The following RARG variants were observed in gnomAD, a reference collection of about 807,000 sequenced individuals.
The protein encoded by RARG is retinoic acid receptor gamma.
Under a neutral mutation model 43.7 loss-of-function variants are expected in RARG, and 17 were observed. That is an observed-to-expected ratio of 0.39 (90% CI 0.27 to 0.58). The LOEUF (loss-of-function observed/expected upper bound fraction) is 0.58, where lower values mean the gene tolerates loss of function less well. RARG is among the 20% of genes least tolerant of loss of function. The probability of loss-of-function intolerance (pLI) is 0.57; values close to 1 mark genes in which losing one functional copy is unlikely to be tolerated. For synonymous variants in RARG, 238 were observed against 236.4 expected, an observed-to-expected ratio of 1.01 and a Z score of -0.06; for missense variants, 346 against 598.7, an observed-to-expected ratio of 0.58 and a Z score of 4.40.
intron 1 of RARG, chr12:53,231,576 C>T (rs1209919092): frequency 6.6e-6 from 1 of 152,546 alleles, no homozygotes; most frequent in Non-Finnish European, 1.5e-5. Flanking sequence ...CTTGGACCAG[C>T]ATGGAACATC....
At chr12:53,224,393 ATG>A (rs1177013369) in intron 3 of RARG, among the ~76,000 whole-genome samples, 43 of 152,162 alleles carry the variant, frequency 2.8e-4, no homozygotes, top group Admixed American at 2.6e-3. Context: ...CTCTTAGTCT[ATG>A]TGTGAGAGAG....
chr12:53,223,467 CAGGAGAGGGGGGT>C (rs1351937350), intron 3 of RARG, among the ~76,000 whole-genome samples: 1 of 134,958 alleles, frequency 7.4e-6, no homozygotes, highest in African/African-American at 2.8e-5. Context: ...GGTAGGGGGC[CAGGAGAGGGGGGT>C]GCAGCCTGGG....
chr12:53,216,554 C>T (rs1290415235), intron 3 of RARG, among the ~76,000 whole-genome samples: 1 of 152,076 alleles, frequency 6.6e-6, no homozygotes, highest in East Asian at 1.9e-4. Flanking sequence ...ACCAGCAGAT[C>T]CAAGTGGCTG....
Position 53,227,824 on chromosome 12 carries a change from G to A in RARG, c.-142-137C>T, listed in dbSNP as rs1294883472. 5.1e-6 allele frequency: 3 copies of A among 586,352 alleles called. No individual in the cohort carries two copies. Among genetic ancestry groups the A allele is most frequent in the East Asian group, 4.3e-5 (1 of 23,508 alleles). 36.3% of individuals were successfully genotyped at this position (586,352 alleles called of 1,614,324 possible). On this transcript the variant is annotated intron_variant, in intron 2 of 9. Transcript: ENST00000425354. This position sits in a 1 kb window ranked among gnomAD's most constrained non-coding sequence, Gnocchi z 4.3. ...CCTGCCCTGGCTCAGGGCCCTTGCAGTGTGGTAGAGAGGGCACGGCAGGGG... is the reference window on the plus strand; with the variant it reads ...CCTGCCCTGGCTCAGGGCCCTTGCAATGTGGTAGAGAGGGCACGGCAGGGG...
At chr12:53,231,396 C>T (rs1943233828) in intron 1 of RARG, 161 bp from the exon 2 acceptor site, 1 of 152,284 alleles carries the variant, frequency 6.6e-6, no homozygotes, top group African/African-American at 2.4e-5. Flanking sequence ...CGCACCTGGG[C>T]TGGGAACGTG....
chr12:53,219,154 C>T (rs1942871426), intron 3 of RARG, among the ~76,000 whole-genome samples: 1 of 152,202 alleles, frequency 6.6e-6, no homozygotes, highest in Admixed American at 6.5e-5. Flanking sequence ...TTCAGGCCAC[C>T]CCCCACCACA....
At chr12:53,212,741 C>T (rs113275891) in intron 9 of RARG, among the ~76,000 whole-genome samples, 5,123 of 135,540 alleles carry the variant, frequency 0.038, 105 homozygotes, top group Middle Eastern at 0.063. Context: ...TATATATACA[C>T]ACACACACAC....
At position 53,213,802 on chromosome 12, in the gene RARG, C is replaced by A; in HGVS notation, c.814-102G>T. ...AGGTTAGGTCCCCAGTGAGTGCAAC[C>A]TGAAGCAGGCATGGAGAAGGCAGAG... On this transcript the variant is annotated intron_variant, in intron 7 of 9. Coordinates refer to ENST00000425354, the MANE Select transcript of RARG (RefSeq NM_000966.6). This position sits in a 1 kb window ranked among gnomAD's most constrained non-coding sequence, Gnocchi z 4.7. The A allele has an allele frequency of 7.8e-7, 1 of 1,280,798 alleles. No homozygotes were observed. The allele number at this position is 1,280,798 out of a possible 1,614,324, so 79.3% of individuals were successfully genotyped here.
intron 3 of RARG, among the ~76,000 whole-genome samples, chr12:53,222,190 G>C (rs1942985919): frequency 6.7e-6 from 1 of 150,214 alleles, no homozygotes; most frequent in Non-Finnish European, 1.5e-5. Flanking sequence ...ACCCATTTCT[G>C]AATCCAGTCA....
At position 53,215,445 on chromosome 12, in the gene RARG, G is replaced by C. The variant is rs1436449070; in HGVS notation, c.334-11C>G. The C allele has an allele frequency of 2.5e-6, 4 of 1,613,844 alleles. No homozygotes were observed. Among genetic ancestry groups the C allele is most frequent in the Admixed American group, 3.3e-5 (2 of 59,994 alleles). ...TCGGCGAAAGAAGCCCTGGAGTTGA[G>C]GGAAAGAGAGAGGGCCTCTGAAGCA... On this transcript the variant is annotated splice_polypyrimidine_tract_variant and intron_variant, in intron 4 of 9. Coordinates refer to ENST00000425354, the MANE Select transcript of RARG (RefSeq NM_000966.6). This position sits in a 1 kb window ranked among gnomAD's most constrained non-coding sequence, Gnocchi z 6.4.
chr12:53,219,771 A>G lies in RARG; in HGVS notation c.185-3977T>C, dbSNP rs565390860. 2.2e-4 allele frequency among the ~76,000 whole-genome samples: 34 copies of G among 152,304 alleles called. 1 individual carries two copies. The highest frequency in any genetic ancestry group is 4.1e-4 in the Non-Finnish European group (28 of 68,020). ...CCACCATAAAAACCACACACACTCC[A>G]AACACTACTGCACACACGCAAAGGA... On this transcript the variant is annotated intron_variant, in intron 3 of 9. Coordinates refer to ENST00000425354, the MANE Select transcript of RARG (RefSeq NM_000966.6).
rs957133273 is a variant in RARG at position 53,214,641 on chromosome 12, C to T, written c.476-35G>A. 4.5e-6 allele frequency: 7 copies of T among 1,568,954 alleles called. 1 individual carries two copies. The Admixed American group carries it at 5.3e-5, about 12-fold the overall frequency. ...GGAGGCGCAAGGAGAGGGTCAGGAC[C>T]CTCAGAGCCTCCCTTTGGGTGTCCT... On this transcript the variant is annotated intron_variant, in intron 5 of 9. Coordinates refer to ENST00000425354, the MANE Select transcript of RARG (RefSeq NM_000966.6).
chr12:53,230,932 C>A (rs191854804), intron 2 of RARG, among the ~76,000 whole-genome samples: 1 of 151,844 alleles, frequency 6.6e-6, no homozygotes, highest in Admixed American at 6.6e-5. Flanking sequence ...GCACACACTA[C>A]CCCCACTCCC....
chr12:53,213,744 A>C lies in RARG; in HGVS notation c.814-44T>G, dbSNP rs752130501. On this transcript the variant is annotated intron_variant, in intron 7 of 9. Coordinates refer to ENST00000425354, the MANE Select transcript of RARG (RefSeq NM_000966.6). This position sits in a 1 kb window ranked among gnomAD's most constrained non-coding sequence, Gnocchi z 4.7. ...GGAGGGTTAGTGCTGTTTCTGGGGG[A>C]TGGGGAAAAGAGGGAATGAGTGGAA... 6.6e-7 allele frequency: 1 copy of C among 1,507,698 alleles called. No individual in the cohort carries two copies. Among genetic ancestry groups the C allele is most frequent in the Non-Finnish European group, 9.2e-7 (1 of 1,090,154 alleles). The allele number at this position is 1,507,698 out of a possible 1,614,324, so 93.4% of individuals were successfully genotyped here.
At chr12:53,226,591 C>T (rs1030805625) in intron 3 of RARG, among the ~76,000 whole-genome samples, 1 of 151,608 alleles carries the variant, frequency 6.6e-6, no homozygotes, top group Admixed American at 6.6e-5. Flanking sequence ...TCCCAAAGTG[C>T]TGGGATTACA....
intron 2 of RARG, chr12:53,229,995 A>C (rs1345361613): frequency 2.1e-6 from 2 of 973,590 alleles, no homozygotes; most frequent in Non-Finnish European, 2.4e-6. Flanking sequence ...TTGGGAGTTG[A>C]GTGAAGAGAG....
At chr12:53,222,240 AAAAG>A (rs1347709141) in intron 3 of RARG, among the ~76,000 whole-genome samples, 2 of 99,322 alleles carry the variant, frequency 2.0e-5, no homozygotes, top group Non-Finnish European at 3.7e-5. Context: ...AGAGAGAAAG[AAAAG>A]AAAGAGAAAG....
chr12:53,213,623 G>A lies in RARG; in HGVS notation c.891C>T (p.Thr297=), dbSNP rs1245806320. The change falls in exon 8 of 10, where the codon ACC becomes ACT. Residue 297 remains threonine, a synonymous_variant. Coordinates refer to ENST00000425354, the MANE Select transcript of RARG (RefSeq NM_000966.6). This position sits in a 1 kb window ranked among gnomAD's most constrained non-coding sequence, Gnocchi z 4.7. ...GCCCGAAGCCGGCATTGTGCATCTGGGTCCGGTTCAGGGTCAGCCCGTCGG... is the reference window on the plus strand; with the variant it reads ...GCCCGAAGCCGGCATTGTGCATCTGAGTCCGGTTCAGGGTCAGCCCGTCGG... ...TFSDGLTLNR[T]QMHNAGFGPL... is the part of the protein sequence containing the mutation. The A allele has an allele frequency of 6.2e-7, 1 of 1,614,078 alleles. No individual in the cohort carries two copies. Among genetic ancestry groups the A allele is most frequent in the Non-Finnish European group, 8.5e-7 (1 of 1,179,942 alleles).
In RARG at chr12:53,213,714, G is replaced by A; in HGVS notation, c.814-14C>T. Reference sequence around the variant, plus strand: ...GATACGCAGCATCTGGAGGTGGGGGGTGGAGGAGGGTTAGTGCTGTTTCTG... The same window carrying A: ...GATACGCAGCATCTGGAGGTGGGGGATGGAGGAGGGTTAGTGCTGTTTCTG... On this transcript the variant is annotated splice_polypyrimidine_tract_variant and intron_variant, in intron 7 of 9. Coordinates refer to ENST00000425354, the MANE Select transcript of RARG (RefSeq NM_000966.6). The surrounding 1 kb of genome is among the most constrained non-coding windows in gnomAD (Gnocchi z 4.7). The A allele has an allele frequency of 1.3e-6, 2 of 1,597,370 alleles. No individual in the cohort carries two copies. Among genetic ancestry groups the A allele is most frequent in the Non-Finnish European group, 1.7e-6 (2 of 1,165,596 alleles).
Sources: gnomAD v4.1 joint callset for allele counts (sites outside exome capture counted in the v4.1 genomes callset) on GRCh38, gnomAD v4.1.1 for gene constraint, Gnocchi (gnomAD v3.1) non-coding constraint, MANE v1.5 for transcripts, NCBI Gene and HGNC (gene_info 2026-07-23, HGNC 2026-07-21) for gene names.